KCNIP1: variants seen among roughly 807,000 people sequenced by gnomAD.
KCNIP1 encodes A-type potassium channel modulatory protein KCNIP1.
KCNIP1 carries 18 observed loss-of-function variants against 33.0 expected under a neutral mutation model. That is an observed-to-expected ratio of 0.55 (90% CI 0.38 to 0.81). KCNIP1 has a LOEUF of 0.81. KCNIP1 is among the 30% of genes least tolerant of loss of function. The pLI is 0.00. For synonymous variants in KCNIP1, 93 were observed against 98.3 expected (o/e 0.95, Z 0.32); for missense variants, 238 against 271.6 (o/e 0.88, Z 0.87).
chr5:170,725,346 A>C (rs892931614), intron 5 of KCNIP1, among the ~76,000 whole-genome samples: 3 of 152,218 alleles, frequency 2.0e-5, no homozygotes, highest in Non-Finnish European at 1.5e-5. Flanking sequence ...TCTGCCATAA[A>C]ATAGAATGAG....
intron 1 of KCNIP1, among the ~76,000 whole-genome samples, chr5:170,511,650 T>C (rs1000196741): frequency 2.0e-5 from 3 of 152,240 alleles, no homozygotes; most frequent in Non-Finnish European, 4.4e-5. Context: ...GGCACCTTGC[T>C]CGGCTCTTTC....
chr5:170,659,879 G>C (rs1408257030), intron 1 of KCNIP1, among the ~76,000 whole-genome samples: 1 of 152,166 alleles, frequency 6.6e-6, no homozygotes, highest in African/African-American at 2.4e-5. Flanking sequence ...TTCATCTCCT[G>C]ATAAGTCCCT....
chr5:170,500,749 T>C (rs1202547255), upstream of KCNIP1, among the ~76,000 whole-genome samples: 2 of 152,248 alleles, frequency 1.3e-5, no homozygotes, highest in East Asian at 1.9e-4. Context: ...TATGTGTGTG[T>C]ATTTATCTGC....
In KCNIP1 at chr5:170,381,639, C is replaced by T. The variant is rs141334039; in HGVS notation, c.88+27675C>T. On this transcript the variant is annotated intron_variant, in intron 1 of 7. Coordinates refer to the KCNIP1 transcript ENST00000377360. ...AGCACCACACCTGGTCAAGCCTGGG[C>T]GGCAGGGGAGAGGACAGCAGTGGCT... Among the ~76,000 whole-genome samples, 36 of 152,294 alleles carry T rather than the reference C, an allele frequency of 2.4e-4. No homozygotes were observed. The East Asian group carries it at 6.8e-3, about 29-fold the overall frequency.
intron 1 of KCNIP1, among the ~76,000 whole-genome samples, chr5:170,398,810 G>T (rs375284436): frequency 9.2e-5 from 14 of 152,178 alleles, no homozygotes; most frequent in African/African-American, 3.1e-4. Context: ...ATTATAAACA[G>T]GTTATTCTGT....
chr5:170,437,214 AG>A (rs750386087), intron 1 of KCNIP1, among the ~76,000 whole-genome samples: 14 of 152,190 alleles, frequency 9.2e-5, no homozygotes, highest in Non-Finnish European at 1.9e-4. Flanking sequence ...GGTCTAGGGA[AG>A]GCACCTCTTA....
chr5:170,668,186 G>A (rs1210661812), intron 1 of KCNIP1, among the ~76,000 whole-genome samples: 1 of 152,252 alleles, frequency 6.6e-6, no homozygotes, highest in Non-Finnish European at 1.5e-5. Flanking sequence ...GCATGGAGCT[G>A]ATGGGCAAGC....
At chr5:170,494,517 C>T (rs910903309) in intron 1 of KCNIP1, among the ~76,000 whole-genome samples, 1 of 152,188 alleles carries the variant, frequency 6.6e-6, no homozygotes, top group Non-Finnish European at 1.5e-5. Context: ...AGGTGGTGCT[C>T]TTGGGGGCCC....
chr5:170,398,275 G>T (rs529407003), intron 1 of KCNIP1, among the ~76,000 whole-genome samples: 2 of 152,150 alleles, frequency 1.3e-5, no homozygotes, highest in African/African-American at 4.8e-5. Flanking sequence ...TTTGGTTTAC[G>T]AATGTTTGCA....
At chr5:170,684,397 C>G (rs1041484015) in intron 1 of KCNIP1, among the ~76,000 whole-genome samples, 1 of 152,184 alleles carries the variant, frequency 6.6e-6, no homozygotes, top group Non-Finnish European at 1.5e-5. Context: ...TTGCCTCTTC[C>G]AGCTTTTGGT....
intron 1 of KCNIP1, among the ~76,000 whole-genome samples, chr5:170,431,149 A>C (rs1051994100): frequency 6.6e-6 from 1 of 152,222 alleles, no homozygotes; most frequent in Non-Finnish European, 1.5e-5. Flanking sequence ...TTCATTTTAC[A>C]AGCAATTGGG....
chr5:170,398,639 C>T (rs1330902822), intron 1 of KCNIP1, among the ~76,000 whole-genome samples: 1 of 152,164 alleles, frequency 6.6e-6, no homozygotes, highest in African/African-American at 2.4e-5. Context: ...AAATAAGAAG[C>T]CCCTGTTTTA....
At chr5:170,650,067 G>A (rs916122899) in intron 1 of KCNIP1, among the ~76,000 whole-genome samples, 13 of 152,012 alleles carry the variant, frequency 8.6e-5, no homozygotes, top group African/African-American at 2.2e-4. Context: ...AACATCAGAG[G>A]GGAGAGAAAA....
intron 1 of KCNIP1, among the ~76,000 whole-genome samples, chr5:170,693,018 T>C (rs1005196712): frequency 1.3e-5 from 2 of 152,200 alleles, no homozygotes; most frequent in African/African-American, 2.4e-5. Context: ...GTTAATAAAC[T>C]AAAAATATAG....
chr5:170,364,652 G>A (rs1033467616), intron 1 of KCNIP1, among the ~76,000 whole-genome samples: 34 of 152,040 alleles, frequency 2.2e-4, no homozygotes, highest in Admixed American at 1.8e-3. Flanking sequence ...CCCCTCCTGC[G>A]GTTGCCGTCC....
intron 1 of KCNIP1, chr5:170,681,186 A>G: frequency 5.0e-6 from 2 of 398,948 alleles, no homozygotes; most frequent in Admixed American, 4.4e-5. Flanking sequence ...CGGTAAGCGA[A>G]CCCTGGAGCT....
intron 1 of KCNIP1, among the ~76,000 whole-genome samples, chr5:170,514,336 A>G (rs1040827326): frequency 6.6e-6 from 1 of 152,136 alleles, no homozygotes. Context: ...TCGCCCATGT[A>G]TGACTCTCCC....
intron 1 of KCNIP1, among the ~76,000 whole-genome samples, chr5:170,656,921 C>A (rs1449434106): frequency 6.6e-6 from 1 of 152,130 alleles, no homozygotes; most frequent in African/African-American, 2.4e-5. Context: ...CTCAGCACAT[C>A]AGCTTCACTC....
chr5:170,718,536 G>GT (rs573322606), intron 1 of KCNIP1, among the ~76,000 whole-genome samples: 53 of 152,326 alleles, frequency 3.5e-4, no homozygotes, highest in African/African-American at 1.2e-3. Flanking sequence ...CTGGGAACAT[G>GT]TTTCTCTCCA....
Sources: allele counts gnomAD v4.1 joint callset (sites outside exome capture counted in the v4.1 genomes callset), GRCh38; gene constraint gnomAD v4.1.1; transcripts MANE v1.5; gene names NCBI Gene and HGNC (gene_info 2026-07-23, HGNC 2026-07-21).